PDZD2: variants seen among roughly 807,000 people sequenced by gnomAD.
PDZD2 encodes the protein PDZ domain-containing protein 2.
Under a neutral mutation model 220.7 loss-of-function variants are expected in PDZD2, and 90 were observed. The observed-to-expected ratio is 0.41, with a 90% CI of 0.34 to 0.49. The LOEUF (loss-of-function observed/expected upper bound fraction) is 0.49, where lower values mean the gene tolerates loss of function less well. Among genes scored for constraint, PDZD2 ranks in the 20% least tolerant of loss-of-function variants. The pLI, the probability that PDZD2 is intolerant of heterozygous loss-of-function variation, is 0.28. For synonymous variants in PDZD2, 1,375 were observed against 1,450.5 expected (o/e 0.95, Z 1.18); for missense variants, 3,174 against 3,608.5 (o/e 0.88, Z 3.08).
chr5:31,816,845 A>G (rs1414316395), intron 2 of PDZD2, among the ~76,000 whole-genome samples: 1 of 152,200 alleles, frequency 6.6e-6, no homozygotes, highest in Non-Finnish European at 1.5e-5. Flanking sequence ...TTCCATTTGA[A>G]TCTATGTATC....
chr5:32,071,857 C>T (rs1341941713), intron 16 of PDZD2, among the ~76,000 whole-genome samples: 2 of 152,212 alleles, frequency 1.3e-5, no homozygotes, highest in African/African-American at 4.8e-5. Context: ...TTTCCCATCG[C>T]ATCCCCCCAG....
intron 2 of PDZD2, among the ~76,000 whole-genome samples, chr5:31,898,993 A>AT (rs1406964776): frequency 6.0e-5 from 9 of 150,486 alleles, no homozygotes; most frequent in Non-Finnish European, 1.3e-4. Flanking sequence ...ACCCCCAGCT[A>AT]TTTTTTTTGT....
intron 2 of PDZD2, among the ~76,000 whole-genome samples, chr5:31,906,578 C>G (rs1384365381): frequency 1.3e-5 from 2 of 152,086 alleles, no homozygotes; most frequent in Non-Finnish European, 2.9e-5. Flanking sequence ...TGCAGTGGCT[C>G]ACCCCTGTAA....
intron 19 of PDZD2, among the ~76,000 whole-genome samples, chr5:32,085,189 T>C (rs1259679224): frequency 2.0e-5 from 3 of 151,492 alleles, no homozygotes. Flanking sequence ...TCCTGACAAG[T>C]GATCCACCTG....
intron 1 of PDZD2, among the ~76,000 whole-genome samples, chr5:31,702,587 G>T (rs1747652500): frequency 6.6e-6 from 1 of 152,176 alleles, no homozygotes; most frequent in South Asian, 2.1e-4. Context: ...CTGCCCTACT[G>T]ATCTTCTCTC....
At chr5:31,806,944 T>A (rs1754758594) in intron 2 of PDZD2, among the ~76,000 whole-genome samples, 3 of 151,324 alleles carry the variant, frequency 2.0e-5, no homozygotes, top group African/African-American at 7.3e-5. Context: ...TTTTTTTTTT[T>A]TTTTTTTAAG....
intron 1 of PDZD2, among the ~76,000 whole-genome samples, chr5:31,777,359 T>C (rs999759023): frequency 2.6e-5 from 4 of 152,200 alleles, no homozygotes; most frequent in Non-Finnish European, 5.9e-5. Context: ...GCTCCGAACC[T>C]GCAGCCCGCC....
chr5:31,897,245 G>GGGGCA (rs1275812100), intron 2 of PDZD2, among the ~76,000 whole-genome samples: 5 of 152,200 alleles, frequency 3.3e-5, no homozygotes, highest in African/African-American at 1.2e-4. Flanking sequence ...CCAGGAGTAT[G>GGGGCA]TCAGGCTGAT....
At chr5:31,908,837 G>C (rs1173733937) in intron 2 of PDZD2, 3 of 560,680 alleles carry the variant, frequency 5.4e-6, no homozygotes, top group Non-Finnish European at 6.5e-6. Flanking sequence ...TTGAGCTCAG[G>C]AGTTTGAGAC....
intron 2 of PDZD2, among the ~76,000 whole-genome samples, chr5:31,914,116 A>G (rs868626125): frequency 6.6e-6 from 1 of 152,008 alleles, no homozygotes; most frequent in Non-Finnish European, 1.5e-5. Context: ...CAGCTAATGA[A>G]ATTCTCTGCT....
intron 2 of PDZD2, among the ~76,000 whole-genome samples, chr5:31,841,184 C>T (rs1004651174): frequency 1.2e-4 from 18 of 145,786 alleles, no homozygotes; most frequent in Non-Finnish European, 2.8e-4. Context: ...CTATTTTGTC[C>T]TGAACTTTCT....
rs756960282 is a variant in PDZD2, at chr5:32,090,448, T to C, written c.7000T>C (p.Ser2334Pro). The C allele has an allele frequency of 2.2e-5, 36 of 1,613,992 alleles. No individual in the cohort carries two copies. Among genetic ancestry groups the C allele is most frequent in the Non-Finnish European group, 3.0e-5 (35 of 1,180,030 alleles). ...NWPHESTSFF[S>P]VKQRIKSFEN... The stretch of plus-strand genomic sequence containing the variant: ...GCCCCATGAATCTACCTCATTTTTC[T>C]CTGTGAAGCAGCGGATCAAGTCTTT... Residue 2334 changes from serine to proline, a missense_variant, in exon 20 of 25, where the codon TCT becomes CCT. Physicochemically the swap from Ser to Pro is moderately conservative, Grantham distance 74. Coordinates refer to ENST00000438447, the MANE Select transcript of PDZD2 (RefSeq NM_178140.4). This position sits in a 1 kb window ranked among gnomAD's most constrained non-coding sequence, Gnocchi z 4.3.
intron 1 of PDZD2, among the ~76,000 whole-genome samples, chr5:31,729,020 C>T (rs1165082598): frequency 1.3e-5 from 2 of 148,342 alleles, no homozygotes; most frequent in Non-Finnish European, 3.0e-5. Context: ...CGCCCGGCCG[C>T]AATGTGCATC....
chr5:32,105,133 CAAAAA>C (rs143261997), intron 24 of PDZD2, among the ~76,000 whole-genome samples: 1 of 146,930 alleles, frequency 6.8e-6, no homozygotes, highest in Admixed American at 6.8e-5. Flanking sequence ...GACCTTGTCT[CAAAAA>C]AAAACAATCA....
chr5:31,857,423 C>T (rs1022437750), intron 2 of PDZD2, among the ~76,000 whole-genome samples: 1 of 152,156 alleles, frequency 6.6e-6, no homozygotes, highest in South Asian at 2.1e-4. Flanking sequence ...TGGTAAAATA[C>T]ACCTTCCAGA....
At chr5:31,971,287 C>G (rs1408704165) in intron 2 of PDZD2, among the ~76,000 whole-genome samples, 1 of 152,192 alleles carries the variant, frequency 6.6e-6, no homozygotes, top group African/African-American at 2.4e-5. Flanking sequence ...GTTGCTCCAT[C>G]CTCCAGAGGG....
At chr5:31,794,724 A>T (rs1378520292) in intron 1 of PDZD2, among the ~76,000 whole-genome samples, 3 of 152,074 alleles carry the variant, frequency 2.0e-5, no homozygotes, top group Non-Finnish European at 4.4e-5. Flanking sequence ...GGTTTCTTTT[A>T]AAAAATTTTT....
rs372633516 is a variant in PDZD2 at position 31,720,824 on chromosome 5, A to G, written c.-360-78065A>G. Among the ~76,000 whole-genome samples, 9 of 152,288 alleles carry G rather than the reference A, an allele frequency of 5.9e-5. No homozygotes were observed. In the East Asian group the frequency reaches 1.4e-3, roughly 23 times the overall value. On this transcript the variant is annotated intron_variant, in intron 1 of 24. Transcript: ENST00000438447. ...TACAATCAAACAAGATAGGTCAGAT[A>G]GTTTCTTTATGGACAGTTTTTACAC...
chr5:31,823,052 C>T, intron 2 of PDZD2: 1 of 1,123,528 alleles, frequency 8.9e-7, no homozygotes. Flanking sequence ...CCTCTGGGGC[C>T]CTTCACAATA....
Sources: gnomAD v4.1 joint callset for allele counts (sites outside exome capture counted in the v4.1 genomes callset) on GRCh38, gnomAD v4.1.1 for gene constraint, Gnocchi (gnomAD v3.1) non-coding constraint, MANE v1.5 for transcripts, NCBI Gene and HGNC (gene_info 2026-07-23, HGNC 2026-07-21) for gene names.